AHRR: variants seen among roughly 807,000 people sequenced by gnomAD.
AHRR encodes the protein ahR repressor.
Under a neutral mutation model 44.0 loss-of-function variants are expected in AHRR, and 28 were observed. The ratio of observed to expected loss-of-function variants is 0.64; its 90% CI spans 0.47 to 0.87. The LOEUF is 0.87. AHRR is among the 40% of genes least tolerant of loss of function. The probability of loss-of-function intolerance (pLI) is 0.00; values close to 1 mark genes in which losing one functional copy is unlikely to be tolerated. For synonymous variants in AHRR, 434 were observed against 407.0 expected (o/e 1.07, Z -0.80); for missense variants, 990 against 953.9 (o/e 1.04, Z -0.50).
intron 5 of AHRR, chr5:421,220 C>G: frequency 1.5e-6 from 1 of 681,820 alleles, no homozygotes; most frequent in Admixed American, 2.1e-5. Flanking sequence ...GCGGCCTCCT[C>G]GTCGGCAACG....
intron 3 of AHRR, among the ~76,000 whole-genome samples, chr5:362,449 C>T (rs537535033): frequency 1.3e-5 from 2 of 152,380 alleles, no homozygotes; most frequent in African/African-American, 2.4e-5. Flanking sequence ...GAGTGCCTTC[C>T]AGCTCTCCAG....
At chr5:372,083 A>G (rs1258953563) in intron 3 of AHRR, among the ~76,000 whole-genome samples, 4 of 152,212 alleles carry the variant, frequency 2.6e-5, no homozygotes, top group Non-Finnish European at 5.9e-5. Flanking sequence ...AGGAAGCAGC[A>G]GGGTTTCTGC....
chr5:325,085 C>T (rs116205944), intron 1 of AHRR, among the ~76,000 whole-genome samples: 114 of 152,316 alleles, frequency 7.5e-4, no homozygotes, highest in African/African-American at 2.7e-3. Context: ...GTCTCAATTC[C>T]GGCTACTCGG....
intron 4 of AHRR, among the ~76,000 whole-genome samples, chr5:379,611 T>G (rs1213801034): frequency 6.6e-6 from 1 of 152,244 alleles, no homozygotes; most frequent in Non-Finnish European, 1.5e-5. Flanking sequence ...TCTTTTCATG[T>G]GGTTATTTGC....
At chr5:372,122 G>A (rs1232421429) in intron 3 of AHRR, among the ~76,000 whole-genome samples, 1 of 152,228 alleles carries the variant, frequency 6.6e-6, no homozygotes, top group Non-Finnish European at 1.5e-5. Context: ...AGGCTTCCTG[G>A]ATAGGAAGCA....
At chr5:376,235 A>T (rs1356099034) in intron 3 of AHRR, among the ~76,000 whole-genome samples, 1 of 150,846 alleles carries the variant, frequency 6.6e-6, no homozygotes, top group East Asian at 2.0e-4. Context: ...CTTCAGGGGG[A>T]TCTGGCAGGA....
In AHRR at chr5:428,025, T is replaced by C. The variant is rs746323505; in HGVS notation, c.908+19T>C. On this transcript the variant is annotated intron_variant, in intron 8 of 10. Coordinates refer to ENST00000684583, the MANE Select transcript of AHRR (RefSeq NM_001377236.1). ...ATGCAAAGTGAGTAAGACTCGCCCTTCACAGCCACATGGTGCCTGCTGGCG... is the reference window on the plus strand; with the variant it reads ...ATGCAAAGTGAGTAAGACTCGCCCTCCACAGCCACATGGTGCCTGCTGGCG... 9 of 1,610,078 alleles carry C rather than the reference T, an allele frequency of 5.6e-6. No individual in the cohort carries two copies. In the South Asian group the frequency reaches 9.9e-5, roughly 18 times the overall value.
chr5:413,360 C>T lies in AHRR; in HGVS notation c.368C>T (p.Ala123Val), dbSNP rs1735552603. Residue 123 changes from alanine to valine, a missense_variant, in exon 5 of 11, where the codon GCT becomes GTT. Transcript: ENST00000684583. ...TTCTTCTAGTCTCTTAATGGCTTTG[C>T]TCTGGTCGTGAGTGCAGAAGGGACG... ...RLLLESLNGF[A>V]LVVSAEGTIF... 13 of 1,610,400 alleles carry T rather than the reference C, an allele frequency of 8.1e-6. No individual in the cohort carries two copies. The highest frequency in any genetic ancestry group is 9.3e-6 in the Non-Finnish European group (11 of 1,178,578).
rs1288667512 is a variant in AHRR, at chr5:370,414, C to T, written c.245-6196C>T. ...CCCAGGCTTCTCAGAGCATCCCATC[C>T]AACTCCTGGACGGGAGAGGTGTCGT... On this transcript the variant is annotated intron_variant, in intron 3 of 10. Transcript: ENST00000684583. This position sits in a 1 kb window ranked among gnomAD's most constrained non-coding sequence, Gnocchi z 4.5. Among the ~76,000 whole-genome samples, 1 of 152,192 alleles carries T rather than the reference C, an allele frequency of 6.6e-6. No individual in the cohort carries two copies. The highest frequency in any genetic ancestry group is 1.5e-5 in the Non-Finnish European group (1 of 68,036).
chr5:347,016 G>A (rs79631443), intron 2 of AHRR, among the ~76,000 whole-genome samples: 16,535 of 152,206 alleles, frequency 0.11, 1,153 homozygotes, highest in Non-Finnish European at 0.13. Flanking sequence ...AAGCACGGGC[G>A]TTTGTAATTT....
intron 4 of AHRR, among the ~76,000 whole-genome samples, chr5:403,174 G>A (rs188387080): frequency 2.0e-5 from 3 of 152,290 alleles, no homozygotes; most frequent in Non-Finnish European, 4.4e-5. Flanking sequence ...CAAATTCGGA[G>A]GCAGAAAGCG....
chr5:433,321 C>T (rs1179733982), intron 10 of AHRR, among the ~76,000 whole-genome samples: 4 of 152,110 alleles, frequency 2.6e-5, no homozygotes, highest in Admixed American at 2.0e-4. Flanking sequence ...CTGCCTGCCA[C>T]CCAGGTGGGC....
intron 4 of AHRR, among the ~76,000 whole-genome samples, chr5:389,632 C>T (rs1363995946): frequency 6.6e-6 from 1 of 151,952 alleles, no homozygotes; most frequent in African/African-American, 2.4e-5. Context: ...GAGCCCGGGC[C>T]CTTCCCCCAG....
chr5:388,110 A>G lies in AHRR; in HGVS notation c.351+11394A>G, dbSNP rs939469905. On this transcript the variant is annotated intron_variant, in intron 4 of 10. Transcript: ENST00000684583. This position sits in a 1 kb window ranked among gnomAD's most constrained non-coding sequence, Gnocchi z 5.2. Reference sequence around the variant, plus strand: ...ACATCCGCCACTGTCCTATGTCCCAATACAGGAAGGTCACATTCATGGGTT... The same window carrying G: ...ACATCCGCCACTGTCCTATGTCCCAGTACAGGAAGGTCACATTCATGGGTT... Among the ~76,000 whole-genome samples, 1 of 152,200 alleles carries G rather than the reference A, an allele frequency of 6.6e-6. No homozygotes were observed. Among genetic ancestry groups the G allele is most frequent in the South Asian group, 2.1e-4 (1 of 4,836 alleles).
chr5:415,474 CGGGTGGGA>C (rs1735718525), intron 5 of AHRR, among the ~76,000 whole-genome samples: 1 of 43,096 alleles, frequency 2.3e-5, no homozygotes. Flanking sequence ...TCTGCCTGGT[CGGGTGGGA>C]GGCCTAGGGG....
At chr5:335,348 G>A (rs536638753) in intron 1 of AHRR, among the ~76,000 whole-genome samples, 7 of 152,200 alleles carry the variant, frequency 4.6e-5, no homozygotes, top group Non-Finnish European at 7.3e-5. Context: ...GCAATCGGCT[G>A]TGCTGGCCAG....
rs1319092100 is a variant in AHRR at position 370,407 on chromosome 5, T to A, written c.245-6203T>A. Among the ~76,000 whole-genome samples, 1 of 152,148 alleles carries A rather than the reference T, an allele frequency of 6.6e-6. No individual in the cohort carries two copies. The highest frequency in any genetic ancestry group is 1.5e-5 in the Non-Finnish European group (1 of 68,016). ...TGGGCGTCCCAGGCTTCTCAGAGCATCCCATCCAACTCCTGGACGGGAGAG... is the reference window on the plus strand; with the variant it reads ...TGGGCGTCCCAGGCTTCTCAGAGCAACCCATCCAACTCCTGGACGGGAGAG... On this transcript the variant is annotated intron_variant, in intron 3 of 10. Coordinates refer to ENST00000684583, the MANE Select transcript of AHRR (RefSeq NM_001377236.1). This position sits in a 1 kb window ranked among gnomAD's most constrained non-coding sequence, Gnocchi z 4.5.
intron 4 of AHRR, among the ~76,000 whole-genome samples, chr5:390,726 TC>T (rs1734379909): frequency 6.6e-6 from 1 of 151,798 alleles, no homozygotes; most frequent in African/African-American, 2.4e-5. Context: ...CCTGCTGGGA[TC>T]TCTGTGAGAT....
In AHRR at chr5:402,115, C is replaced by A. The variant is rs183391822; in HGVS notation, c.352-11229C>A. Among the ~76,000 whole-genome samples the A allele has an allele frequency of 1.9e-3, 284 of 152,242 alleles. 1 individual carries two copies. Among genetic ancestry groups the A allele is most frequent in the African/African-American group, 6.5e-3 (272 of 41,540 alleles). On this transcript the variant is annotated intron_variant, in intron 4 of 10. Transcript: ENST00000684583. ...CAGCCAACTCAAGAGGAAGAAAAAACCCCATTAAAAACCAGGAAAAGGACC... is the reference window on the plus strand; with the variant it reads ...CAGCCAACTCAAGAGGAAGAAAAAAACCCATTAAAAACCAGGAAAAGGACC...
Sources: gnomAD v4.1 joint callset for allele counts (sites outside exome capture counted in the v4.1 genomes callset) on GRCh38, gnomAD v4.1.1 for gene constraint, Gnocchi (gnomAD v3.1) non-coding constraint, MANE v1.5 for transcripts, NCBI Gene and HGNC (gene_info 2026-07-23, HGNC 2026-07-21) for gene names.